Variants in APBB3 observed in about 807,000 individuals in gnomAD.
APBB3 encodes the protein amyloid beta precursor protein binding family B member 3.
In APBB3, 50 loss-of-function variants were observed where a neutral mutation model predicts 61.5. The ratio of observed to expected loss-of-function variants is 0.81; its 90% CI spans 0.65 to 1.03. The LOEUF (loss-of-function observed/expected upper bound fraction) is 1.03. APBB3 is among the 50% of genes least tolerant of loss of function. The pLI is 0.00. For synonymous variants in APBB3, 235 were observed against 233.0 expected (o/e 1.01, Z -0.08); for missense variants, 550 against 637.4 (o/e 0.86, Z 1.48).
chr5:140,562,617 G>A, intron 4 of APBB3, 46 bp downstream of exon 4: 2 of 1,612,518 alleles, frequency 1.2e-6, no homozygotes, highest in Non-Finnish European at 1.7e-6. Context: ...TCCCACCCTT[G>A]TCTTTCCCTT....
chr5:140,558,488 G>A lies in APBB3; in HGVS notation c.*97C>T, dbSNP rs1247012106. The A allele has an allele frequency of 8.6e-7, 1 of 1,164,884 alleles. No homozygotes were observed. Among genetic ancestry groups the A allele is most frequent in the African/African-American group, 1.5e-5 (1 of 65,794 alleles). 72.2% of individuals were successfully genotyped at this position (1,164,884 alleles called of 1,614,324 possible). On this transcript the variant is annotated 3_prime_UTR_variant, in exon 13 of 13. Coordinates refer to ENST00000357560, the MANE Select transcript of APBB3 (RefSeq NM_133173.3). ...AAGGATCGGAGGGACAGGCAGAGAA[G>A]GCTTCAAGGAGTGACAGGCTATAGG...
At position 140,564,400 on chromosome 5, in the gene APBB3, A is replaced by G. The variant is rs578116799; in HGVS notation, c.-155T>C. ...TACGGGGCGGGACACGGGGCGGGAC[A>G]CGGGCCGGTCCCGGGGGAGGGCCTG... On this transcript the variant is annotated 5_prime_UTR_variant, in exon 1 of 13. Coordinates refer to ENST00000357560, the MANE Select transcript of APBB3 (RefSeq NM_133173.3). This position sits in a 1 kb window ranked among gnomAD's most constrained non-coding sequence, Gnocchi z 5.0. 2.0e-4 allele frequency: 175 copies of G among 876,630 alleles called. No individual in the cohort carries two copies. In the African/African-American group the frequency reaches 2.2e-3, roughly 11 times the overall value. 54.3% of individuals were successfully genotyped at this position (876,630 alleles called of 1,614,324 possible).
chr5:140,564,127 A>C lies in APBB3; in HGVS notation c.49+70T>G. ...GTATCCCCCACCGTCTTTGAGCCCC[A>C]GAGTAGCCTTTCGGATTCCCTCGTC... is the stretch of plus-strand genomic sequence containing the variant. On this transcript the variant is annotated intron_variant, in intron 1 of 12. Coordinates refer to ENST00000357560, the MANE Select transcript of APBB3 (RefSeq NM_133173.3). This position sits in a 1 kb window ranked among gnomAD's most constrained non-coding sequence, Gnocchi z 5.0. 1 of 1,604,774 alleles carries C rather than the reference A, an allele frequency of 6.2e-7. No homozygotes were observed. Among genetic ancestry groups the C allele is most frequent in the South Asian group, 1.1e-5 (1 of 90,286 alleles).
rs944876947 is a variant in APBB3 at position 140,564,314 on chromosome 5, T to G, written c.-69A>C. ...AGCCCAGCGCGACCTCTGGAGCTAC[T>G]GCGCCTGCAAGCCCAGCCTCTCTGC... On this transcript the variant is annotated 5_prime_UTR_variant, in exon 1 of 13. Coordinates refer to ENST00000357560, the MANE Select transcript of APBB3 (RefSeq NM_133173.3). This position sits in a 1 kb window ranked among gnomAD's most constrained non-coding sequence, Gnocchi z 5.0. 29 of 1,575,984 alleles carry G rather than the reference T, an allele frequency of 1.8e-5. No homozygotes were observed. The highest frequency in any genetic ancestry group is 2.4e-5 in the Non-Finnish European group (28 of 1,162,050).
In APBB3 at chr5:140,562,127, A is replaced by G; in HGVS notation, c.599T>C (p.Val200Ala). The G allele has an allele frequency of 6.2e-7, 1 of 1,614,148 alleles. No homozygotes were observed. Among genetic ancestry groups the G allele is most frequent in the Non-Finnish European group, 8.5e-7 (1 of 1,180,006 alleles). ...IHCQPLVHIR[V>A]WGVGSSKGRD... Reference sequence around the variant, plus strand: ...GCCCTTGGAGCTCCCCACGCCCCACACACGGATGTGCACCAGAGGCTGGCA... The same window carrying G: ...GCCCTTGGAGCTCCCCACGCCCCACGCACGGATGTGCACCAGAGGCTGGCA... The change falls in exon 6 of 13, where the codon GTG becomes GCG. Residue 200 changes from valine to alanine, a missense_variant. Around this residue, in one of 3 missense-constraint regions of APBB3, gnomAD observed 405 missense variants for 483.4 expected, o/e 0.84. Coordinates refer to ENST00000357560, the MANE Select transcript of APBB3 (RefSeq NM_133173.3).
rs1754790193 is a variant in APBB3 at position 140,558,418 on chromosome 5, G to A, written c.*167C>T. ...CTACGTTGTGGTGCAGTGCCTCCCA[G>A]TCATCCGTATAAACAATAAATTGGG... On this transcript the variant is annotated 3_prime_UTR_variant, in exon 13 of 13. Transcript: ENST00000357560. The A allele has an allele frequency of 2.5e-6, 2 of 788,390 alleles. No individual in the cohort carries two copies. The highest frequency in any genetic ancestry group is 2.4e-5 in the East Asian group (1 of 40,926). 48.8% of individuals were successfully genotyped at this position (788,390 alleles called of 1,614,324 possible).
In APBB3 at chr5:140,560,627, C is replaced by T. The variant is rs567037223; in HGVS notation, c.1032+12G>A. 3.1e-6 allele frequency: 5 copies of T among 1,613,686 alleles called. No individual in the cohort carries two copies. Among genetic ancestry groups the T allele is most frequent in the Non-Finnish European group, 4.2e-6 (5 of 1,179,624 alleles). On this transcript the variant is annotated intron_variant, in intron 11 of 12. Transcript: ENST00000357560. This position sits in a 1 kb window ranked among gnomAD's most constrained non-coding sequence, Gnocchi z 5.1. The stretch of plus-strand genomic sequence containing the variant: ...CCCCTCCAAAGCCCCCAACTTCACC[C>T]TCTTCTGGTACCTGAATGGGGTGTG...
chr5:140,562,392 G>T lies in APBB3; in HGVS notation c.459C>A (p.Thr153=). 1 of 1,614,170 alleles carries T rather than the reference G, an allele frequency of 6.2e-7. No individual in the cohort carries two copies. The highest frequency in any genetic ancestry group is 8.5e-7 in the Non-Finnish European group (1 of 1,180,042). The part of the protein sequence containing the change: ...VNNCIQQLAQ[T]RSRSQPPDGA... Reference sequence around the variant, plus strand: ...CATCTGGAGGCTGGCTCCGGCTGCGGGTCTGGGCCAGCTGCTGGATACAGT... The same window carrying T: ...CATCTGGAGGCTGGCTCCGGCTGCGTGTCTGGGCCAGCTGCTGGATACAGT... Residue 153 remains threonine (T), a synonymous_variant, in exon 5 of 13, where the codon ACC becomes ACA. Transcript: ENST00000357560.
chr5:140,559,753 C>G (rs1754865055), intron 12 of APBB3, among the ~76,000 whole-genome samples: 1 of 152,256 alleles, frequency 6.6e-6, no homozygotes, highest in African/African-American at 2.4e-5. Context: ...AAGGGGCCAC[C>G]TCTTCCATCA....
Position 140,558,648 on chromosome 5 carries a change from C to T in APBB3, c.1398G>A (p.Lys466=). The T allele has an allele frequency of 6.2e-7, 1 of 1,614,204 alleles. No individual in the cohort carries two copies. The highest frequency in any genetic ancestry group is 8.5e-7 in the Non-Finnish European group (1 of 1,180,030). ...GVGGAGATPR[K]RGVFSFLDAF... The stretch of plus-strand genomic sequence containing the variant: ...CATCAAGAAAAGAGAAGACACCCCG[C>T]TTTCGAGGGGTTGCCCCTGCACCGC... Residue 466 remains lysine, a synonymous_variant, in exon 13 of 13, where the codon AAG becomes AAA. Coordinates refer to ENST00000357560, the MANE Select transcript of APBB3 (RefSeq NM_133173.3).
rs375983717 is a variant in APBB3 at position 140,563,357 on chromosome 5, CAT to C, written c.290+235_290+236del. On this transcript the variant is annotated intron_variant, in intron 3 of 12. Transcript: ENST00000357560. ...AGGACTTAATGGCCAAGGTCTAGAA[CAT>C]GATAGGTTAGGACCAAGAATATGAA... 42 of 591,716 alleles carry C rather than the reference CAT, an allele frequency of 7.1e-5. No individual in the cohort carries two copies. In the African/African-American group the frequency reaches 7.6e-4, roughly 11 times the overall value. 36.7% of individuals were successfully genotyped at this position (591,716 alleles called of 1,614,324 possible). A position where few individuals can be genotyped will look rare whatever the true frequency, so the allele number is the denominator to read the frequency against.
chr5:140,561,467 C>A lies in APBB3; in HGVS notation c.748-18G>T. 1.2e-6 allele frequency: 2 copies of A among 1,614,116 alleles called. No homozygotes were observed. The highest frequency in any genetic ancestry group is 1.7e-6 in the Non-Finnish European group (2 of 1,180,004). ...GACAAGATCTAAAACACAATGAAGC[C>A]AGCATGACCCACAGGGAGAGAGGGG... On this transcript the variant is annotated intron_variant, in intron 8 of 12. Transcript: ENST00000357560.
chr5:140,560,515 C>T lies in APBB3; in HGVS notation c.1033-11G>A, dbSNP rs1478070174. 1 of 1,610,360 alleles carries T rather than the reference C, an allele frequency of 6.2e-7. No homozygotes were observed. Among genetic ancestry groups the T allele is most frequent in the African/African-American group, 1.3e-5 (1 of 74,838 alleles). On this transcript the variant is annotated splice_polypyrimidine_tract_variant and intron_variant, in intron 11 of 12. Transcript: ENST00000357560. This position sits in a 1 kb window ranked among gnomAD's most constrained non-coding sequence, Gnocchi z 5.1. ...TGTACTGGCCTCTGCCTGCCCACAC[C>T]AGGCCTAGTCACTAGAGGGCCAAGC...
chr5:140,560,995 C>A lies in APBB3; in HGVS notation c.916+23G>T, dbSNP rs974134601. On this transcript the variant is annotated intron_variant, in intron 10 of 12. Coordinates refer to ENST00000357560, the MANE Select transcript of APBB3 (RefSeq NM_133173.3). The surrounding 1 kb of genome is among the most constrained non-coding windows in gnomAD (Gnocchi z 5.1). ...TCCCCTTGCCTCACACAGCCCACCACATGCAGCCCCCTCAGTCCTCACCCA... is the reference window on the plus strand; with the variant it reads ...TCCCCTTGCCTCACACAGCCCACCAAATGCAGCCCCCTCAGTCCTCACCCA... 6.2e-7 allele frequency: 1 copy of A among 1,608,876 alleles called. No homozygotes were observed. Among genetic ancestry groups the A allele is most frequent in the Non-Finnish European group, 8.5e-7 (1 of 1,179,066 alleles).
chr5:140,563,735 C>G lies in APBB3; in HGVS notation c.213+17G>C. 3.7e-6 allele frequency: 6 copies of G among 1,614,084 alleles called. No homozygotes were observed. Among genetic ancestry groups the G allele is most frequent in the Non-Finnish European group, 5.1e-6 (6 of 1,179,966 alleles). On this transcript the variant is annotated intron_variant, in intron 2 of 12. Transcript: ENST00000357560. Reference sequence around the variant, plus strand: ...GTCCACACATGGGCTCAGACCTCCTCCTCACACTCTACCTACCGTGCCTGG... The same window carrying G: ...GTCCACACATGGGCTCAGACCTCCTGCTCACACTCTACCTACCGTGCCTGG...
chr5:140,564,590 C>T lies in APBB3; in HGVS notation c.-345G>A, dbSNP rs1755131164. On this transcript the variant is annotated 5_prime_UTR_variant, in exon 1 of 13. Transcript: ENST00000357560. The surrounding 1 kb of genome is among the most constrained non-coding windows in gnomAD (Gnocchi z 5.0). Reference sequence around the variant, plus strand: ...ATCAGGCGCCTGAAGACCGACACGCCGAACATGCGCCGCGCGCACTCGCGC... The same window carrying T: ...ATCAGGCGCCTGAAGACCGACACGCTGAACATGCGCCGCGCGCACTCGCGC... The T allele has an allele frequency of 2.1e-6, 1 of 469,778 alleles. No individual in the cohort carries two copies. Among genetic ancestry groups the T allele is most frequent in the African/African-American group, 2.0e-5 (1 of 49,050 alleles). The allele number at this position is 469,778 out of a possible 1,614,324, so 29.1% of individuals were successfully genotyped here. A position where few individuals can be genotyped will look rare whatever the true frequency, so the allele number is the denominator to read the frequency against.
chr5:140,563,534 G>T, intron 3 of APBB3, 60 bp downstream of exon 3: 1 of 1,595,316 alleles, frequency 6.3e-7, no homozygotes, highest in Non-Finnish European at 8.6e-7. Flanking sequence ...CATGGGTCCA[G>T]CTGCATTTTT....
chr5:140,561,642 C>A lies in APBB3; in HGVS notation c.692G>T (p.Cys231Phe), dbSNP rs764762969. ...DSCMLKCHVFCCDVPAKAIAS... is the reference protein window; with the variant it reads ...DSCMLKCHVFFCDVPAKAIAS... ...AATGGCCTTGGCAGGGACATCACAG[C>A]AAAACACATGGCACTTGAGCATACA... Residue 231 changes from cysteine (C) to phenylalanine (F), a missense_variant, in exon 8 of 13, where the codon TGC becomes TTC. By Grantham distance (205) the Cys-to-Phe change is radical (BLOSUM62 -2). Around this residue, in one of 3 missense-constraint regions of APBB3, gnomAD observed 405 missense variants for 483.4 expected, o/e 0.84. Coordinates refer to ENST00000357560, the MANE Select transcript of APBB3 (RefSeq NM_133173.3). 1.2e-6 allele frequency: 2 copies of A among 1,614,118 alleles called. No homozygotes were observed. Among genetic ancestry groups the A allele is most frequent in the African/African-American group, 1.3e-5 (1 of 74,944 alleles).
At position 140,558,366 on chromosome 5, in the gene APBB3, G is replaced by C. The variant is rs1754787056; in HGVS notation, c.*219C>G. 4 of 651,708 alleles carry C rather than the reference G, an allele frequency of 6.1e-6. No individual in the cohort carries two copies. Among genetic ancestry groups the C allele is most frequent in the Admixed American group, 2.7e-5 (1 of 37,666 alleles). 40.4% of individuals were successfully genotyped at this position (651,708 alleles called of 1,614,324 possible). A position where few individuals can be genotyped will look rare whatever the true frequency, so the allele number is the denominator to read the frequency against. ...GGTTGGACAGGGGCAAGGAACACAA[G>C]GACCCAAGGAAAGGGGAGCCAGGGT... is the stretch of plus-strand genomic sequence containing the variant. On this transcript the variant is annotated 3_prime_UTR_variant, in exon 13 of 13. Transcript: ENST00000357560.
Sources: allele counts gnomAD v4.1 joint callset (sites outside exome capture counted in the v4.1 genomes callset), GRCh38; gene constraint gnomAD v4.1.1; regional missense constraint gnomAD v4.1.1; non-coding constraint Gnocchi (gnomAD v3.1); transcripts MANE v1.5; gene names NCBI Gene and HGNC (gene_info 2026-07-23, HGNC 2026-07-21).